The following IL1RAPL1 variants were observed in gnomAD, a reference collection of about 807,000 sequenced individuals.
The protein encoded by IL1RAPL1 is interleukin-1 receptor accessory protein-like 1.
A neutral mutation model predicts 48.4 loss-of-function variants in IL1RAPL1; 3 were observed. The ratio of observed to expected loss-of-function variants is 0.06; its 90% CI spans 0.03 to 0.16. The LOEUF (loss-of-function observed/expected upper bound fraction) is 0.16. Among genes scored for constraint, IL1RAPL1 ranks in the 10% least tolerant of loss-of-function variants. The probability of loss-of-function intolerance (pLI) is 1.00; values close to 1 mark genes in which losing one functional copy is unlikely to be tolerated. For missense variants in IL1RAPL1, 349 were observed against 530.6 expected (o/e 0.66, Z 3.36); for synonymous variants, 185 against 187.7 (o/e 0.99, Z 0.12).
intron 1 of IL1RAPL1, among the ~76,000 whole-genome samples, chrX:28,761,580 G>C (rs1050809587): frequency 1.8e-5 from 2 of 110,806 alleles, no homozygotes; most frequent in Non-Finnish European, 3.8e-5. Flanking sequence ...GTAGGCACTG[G>C]GGATTACTAG....
rs188574757 is a variant in IL1RAPL1 at position 29,200,553 on chromosome X, G to A, written c.83-82385G>A. 2.7e-4 allele frequency among the ~76,000 whole-genome samples: 30 copies of A among 111,455 alleles called. No individual in the cohort carries two copies. The East Asian group carries it at 7.6e-3, about 28-fold the overall frequency. On this transcript the variant is annotated intron_variant, in intron 2 of 10. Transcript: ENST00000378993. ...CACATTGAAAGGGGGAGAGAAAACT[G>A]CCACAGTGGAACGTTTGCAGGTACT...
intron 1 of IL1RAPL1, among the ~76,000 whole-genome samples, chrX:28,763,083 C>G: frequency 9.0e-6 from 1 of 111,150 alleles, no homozygotes; most frequent in Non-Finnish European, 1.9e-5. Context: ...CCTTCTAACT[C>G]TAATTAGGGG....
At chrX:29,371,526 T>C (rs1319231122) in intron 3 of IL1RAPL1, among the ~76,000 whole-genome samples, 1 of 111,687 alleles carries the variant, frequency 9.0e-6, no homozygotes, top group Non-Finnish European at 1.9e-5. Context: ...GATTGGGGTA[T>C]GGATCCCATC....
chrX:29,652,248 G>A (rs185567615), intron 5 of IL1RAPL1, among the ~76,000 whole-genome samples: 41 of 112,016 alleles, frequency 3.7e-4, no homozygotes, highest in African/African-American at 1.2e-3. Flanking sequence ...TATTCTTAGT[G>A]CGTTTACAAT....
intron 2 of IL1RAPL1, among the ~76,000 whole-genome samples, chrX:29,276,900 AAGATAG>A (rs1932128218): frequency 1.8e-5 from 2 of 111,844 alleles, no homozygotes; most frequent in African/African-American, 6.5e-5. Flanking sequence ...AAGATAGAGA[AAGATAG>A]AGATAGATAT....
At position 28,765,543 on chromosome X, in the gene IL1RAPL1, C is replaced by T. The variant is rs552877638; in HGVS notation, c.-24-23777C>T. Among the ~76,000 whole-genome samples the T allele has an allele frequency of 5.3e-4, 58 of 110,250 alleles. No individual in the cohort carries two copies. The South Asian group carries it at 0.015, about 28-fold the overall frequency. On this transcript the variant is annotated intron_variant, in intron 1 of 10. Transcript: ENST00000378993. ...TTACAGAAGAAAATGATATCATGAG[C>T]GAAATGAAAAAAATGGGATAAAATA...
chrX:29,768,840 C>A (rs775771859), intron 6 of IL1RAPL1, among the ~76,000 whole-genome samples: 6 of 111,877 alleles, frequency 5.4e-5, no homozygotes, highest in Non-Finnish European at 1.1e-4. Context: ...TGAAGGAAAT[C>A]ATGAGCAAAA....
intron 2 of IL1RAPL1, among the ~76,000 whole-genome samples, chrX:29,278,927 T>C (rs1932157762): frequency 1.8e-5 from 2 of 112,492 alleles, no homozygotes; most frequent in Non-Finnish European, 3.7e-5. Flanking sequence ...GGATACATAC[T>C]GACGTATTTG....
chrX:29,213,679 A>G (rs959343374), intron 2 of IL1RAPL1, among the ~76,000 whole-genome samples: 6 of 112,759 alleles, frequency 5.3e-5, no homozygotes, highest in African/African-American at 1.9e-4. Context: ...GGGCATGGAC[A>G]CTGCTTGTTC....
chrX:29,536,918 A>G (rs1921252033), intron 5 of IL1RAPL1, among the ~76,000 whole-genome samples: 1 of 110,595 alleles, frequency 9.0e-6, no homozygotes, highest in Admixed American at 9.7e-5. Context: ...ATTTTATTAT[A>G]TAAGCAATGG....
chrX:29,791,589 A>G (rs1929638612), intron 6 of IL1RAPL1, among the ~76,000 whole-genome samples: 1 of 106,936 alleles, frequency 9.4e-6, no homozygotes, highest in Admixed American at 1.0e-4. Context: ...TGCCTGGCTA[A>G]TTTTTTGTAT....
intron 2 of IL1RAPL1, among the ~76,000 whole-genome samples, chrX:29,247,301 CATGTGATT>C (rs756839243): frequency 1.8e-5 from 2 of 111,408 alleles, no homozygotes; most frequent in Non-Finnish European, 3.8e-5. Context: ...TTATTGGATA[CATGTGATT>C]AAAAGAAAAA....
chrX:28,732,929 C>T (rs1245915398), intron 1 of IL1RAPL1, among the ~76,000 whole-genome samples: 1 of 111,409 alleles, frequency 9.0e-6, no homozygotes, highest in Non-Finnish European at 1.9e-5. Context: ...GTGTTAAACA[C>T]ATAAATTCTA....
intron 5 of IL1RAPL1, among the ~76,000 whole-genome samples, chrX:29,400,855 A>G (rs764082054): frequency 2.7e-5 from 3 of 112,333 alleles, no homozygotes; most frequent in Admixed American, 1.9e-4. Context: ...TTAAAAATAT[A>G]AAGTAAAGCA....
At chrX:29,571,790 C>T (rs181930747) in intron 5 of IL1RAPL1, among the ~76,000 whole-genome samples, 2 of 111,683 alleles carry the variant, frequency 1.8e-5, no homozygotes, top group South Asian at 3.8e-4. Context: ...TCATCTTAGA[C>T]TTTATGTCCC....
intron 1 of IL1RAPL1, among the ~76,000 whole-genome samples, chrX:28,737,093 GTTTCT>G (rs1289497905): frequency 4.1e-4 from 40 of 98,153 alleles, no homozygotes; most frequent in South Asian, 1.4e-3. Flanking sequence ...TTTTCGTTTT[GTTTCT>G]TTTCTTTTCT....
At chrX:29,332,812 GTC>G (rs1324363077) in intron 3 of IL1RAPL1, among the ~76,000 whole-genome samples, 12 of 110,847 alleles carry the variant, frequency 1.1e-4, no homozygotes, top group African/African-American at 3.9e-4. Flanking sequence ...CAGTGTTTGT[GTC>G]CCTGGGTACT....
chrX:29,517,594 T>C (rs1037041482), intron 5 of IL1RAPL1, among the ~76,000 whole-genome samples: 2 of 111,723 alleles, frequency 1.8e-5, no homozygotes, highest in African/African-American at 3.2e-5. Flanking sequence ...TTTTAAGACA[T>C]CATCATATTC....
chrX:29,739,126 T>C (rs1008300638), intron 6 of IL1RAPL1, among the ~76,000 whole-genome samples: 9 of 112,226 alleles, frequency 8.0e-5, no homozygotes, highest in East Asian at 2.8e-4. Context: ...GAGAGGTTAA[T>C]TGATGTGCTG....
Sources: gnomAD v4.1 joint callset for allele counts (sites outside exome capture counted in the v4.1 genomes callset) on GRCh38, gnomAD v4.1.1 for gene constraint, MANE v1.5 for transcripts, NCBI Gene and HGNC (gene_info 2026-07-23, HGNC 2026-07-21) for gene names.